Variants in MARCHF3 observed in about 807,000 individuals in gnomAD.
The protein encoded by MARCHF3 is E3 ubiquitin-protein ligase MARCHF3.
A neutral mutation model predicts 24.2 loss-of-function variants in MARCHF3; 13 were observed. The observed-to-expected ratio is 0.54, with a 90% CI of 0.35 to 0.85. The LOEUF (loss-of-function observed/expected upper bound fraction) is 0.85. MARCHF3 is among the 40% of genes least tolerant of loss of function. The pLI is 0.01. For missense variants in MARCHF3, 276 were observed against 325.0 expected (o/e 0.85, Z 1.16); for synonymous variants, 144 against 137.3 (o/e 1.05, Z -0.34).
chr5:126,894,650 G>C (rs1220220311), intron 3 of MARCHF3, among the ~76,000 whole-genome samples: 6 of 152,010 alleles, frequency 3.9e-5, no homozygotes, highest in African/African-American at 7.3e-5. Context: ...TTTCTGCCGA[G>C]AGATCCGCTG....
chr5:126,905,965 C>A (rs540389541), intron 3 of MARCHF3, among the ~76,000 whole-genome samples: 3 of 151,912 alleles, frequency 2.0e-5, no homozygotes, highest in African/African-American at 4.8e-5. Flanking sequence ...TCATAGATAG[C>A]GCTTATTATT....
At chr5:126,998,198 G>A (rs1287496587) in intron 1 of MARCHF3, among the ~76,000 whole-genome samples, 2 of 152,206 alleles carry the variant, frequency 1.3e-5, no homozygotes, top group African/African-American at 4.8e-5. Flanking sequence ...AGAGGATTAT[G>A]AAAATACAAA....
chr5:126,998,194 T>C (rs1221740348), intron 1 of MARCHF3, among the ~76,000 whole-genome samples: 1 of 152,130 alleles, frequency 6.6e-6, no homozygotes, highest in African/African-American at 2.4e-5. Flanking sequence ...GAAGAGAGGA[T>C]TATGAAAATA....
intron 3 of MARCHF3, among the ~76,000 whole-genome samples, chr5:126,906,083 T>G (rs200305475): frequency 0.025 from 3,750 of 150,104 alleles, 243 homozygotes; most frequent in Admixed American, 0.16. Context: ...TCATGTGGTT[T>G]TTGTCTTTGG....
At chr5:127,015,263 G>A (rs1366639561) in intron 1 of MARCHF3, among the ~76,000 whole-genome samples, 1 of 152,154 alleles carries the variant, frequency 6.6e-6, no homozygotes, top group Non-Finnish European at 1.5e-5. Flanking sequence ...TTTCTGTAGA[G>A]GGAACACCAG....
In MARCHF3 at chr5:126,949,182, T is replaced by C. The variant is rs750671514; in HGVS notation, c.-56-30955A>G. Among the ~76,000 whole-genome samples the C allele has an allele frequency of 2.0e-5, 3 of 152,180 alleles. 1 individual carries two copies. The highest frequency in any genetic ancestry group is 1.3e-4 in the Admixed American group (2 of 15,282). On this transcript the variant is annotated intron_variant, in intron 1 of 4. Transcript: ENST00000308660. ...CTAAATGCCAACTCCTACATGAACA[T>C]ATGCTAAAGAAAACAAGGTACTAGC...
intron 1 of MARCHF3, among the ~76,000 whole-genome samples, chr5:126,940,547 A>G (rs7449089): frequency 0.39 from 59,587 of 151,720 alleles, 12,755 homozygotes; most frequent in Middle Eastern, 0.52. Context: ...TCACAGATTC[A>G]AGCAATTCTC....
chr5:126,903,633 G>C (rs960595284), intron 3 of MARCHF3, among the ~76,000 whole-genome samples: 1 of 150,494 alleles, frequency 6.6e-6, no homozygotes, highest in Admixed American at 6.6e-5. Context: ...AGTCTCGTGT[G>C]TGTATATATA....
rs532301083 is a variant in MARCHF3, at chr5:126,946,469, A to G, written c.-56-28242T>C. 4.6e-5 allele frequency: 7 copies of G among 152,184 alleles called. No individual in the cohort carries two copies. The South Asian group carries it at 6.2e-4, about 14-fold the overall frequency. The allele number at this position is 152,184 out of a possible 1,614,324, so 9.4% of individuals were successfully genotyped here. On this transcript the variant is annotated intron_variant, in intron 1 of 4. Coordinates refer to ENST00000308660, the MANE Select transcript of MARCHF3 (RefSeq NM_178450.5). ...TAAGTTTTGTGTTTGTATGAACACA[A>G]CGGGGTTTTATGAAGTCACCATGTA...
In MARCHF3 at chr5:126,920,349, C is replaced by T. The variant is rs1310072316; in HGVS notation, c.-56-2122G>A. Among the ~76,000 whole-genome samples, 4 of 152,258 alleles carry T rather than the reference C, an allele frequency of 2.6e-5. No homozygotes were observed. The East Asian group carries it at 7.7e-4, about 29-fold the overall frequency. On this transcript the variant is annotated intron_variant, in intron 1 of 4. Coordinates refer to ENST00000308660, the MANE Select transcript of MARCHF3 (RefSeq NM_178450.5). ...GCATAACTACTCTCCTCTGGCCTGC[C>T]CTTACAAAACTCCATTGACATGATT...
rs367939428 is a variant in MARCHF3 at position 126,914,913 on chromosome 5, G to T, written c.393+17C>A. On this transcript the variant is annotated intron_variant, in intron 3 of 4. Coordinates refer to ENST00000308660, the MANE Select transcript of MARCHF3 (RefSeq NM_178450.5). Reference sequence around the variant, plus strand: ...CTCATTAGAGCTAAGTTTTCAGGACGTGCCCCACTTACTGACCTCCACTAA... The same window carrying T: ...CTCATTAGAGCTAAGTTTTCAGGACTTGCCCCACTTACTGACCTCCACTAA... The T allele has an allele frequency of 6.2e-7, 1 of 1,613,504 alleles. No individual in the cohort carries two copies. Among genetic ancestry groups the T allele is most frequent in the South Asian group, 1.1e-5 (1 of 91,056 alleles).
chr5:127,028,563 T>A (rs1221245635), intron 1 of MARCHF3, among the ~76,000 whole-genome samples: 1 of 113,530 alleles, frequency 8.8e-6, no homozygotes, highest in Admixed American at 8.2e-5. Context: ...TTAAGGTAGG[T>A]TTTTTTTTTT....
In MARCHF3 at chr5:126,868,725, C is replaced by A. The variant is rs1378999741; in HGVS notation, c.*1908G>T. On this transcript the variant is annotated 3_prime_UTR_variant, in exon 5 of 5. Coordinates refer to ENST00000308660, the MANE Select transcript of MARCHF3 (RefSeq NM_178450.5). ...CGTGTCACGGGTTCACCTGACAGCT[C>A]AGGGACTAAGGCTGGGTGGACGTCA... The A allele has an allele frequency of 6.6e-6, 1 of 152,190 alleles. No homozygotes were observed. The highest frequency in any genetic ancestry group is 1.5e-5 in the Non-Finnish European group (1 of 68,062). The allele number at this position is 152,190 out of a possible 1,614,324, so 9.4% of individuals were successfully genotyped here. A position where few individuals can be genotyped will look rare whatever the true frequency, so the allele number is the denominator to read the frequency against.
At chr5:126,992,432 G>C (rs1418528489) in intron 1 of MARCHF3, among the ~76,000 whole-genome samples, 1 of 152,146 alleles carries the variant, frequency 6.6e-6, no homozygotes. Context: ...ACATTACCCT[G>C]AAGCAAAATC....
At chr5:126,910,209 A>G (rs780269220) in intron 3 of MARCHF3, among the ~76,000 whole-genome samples, 1 of 152,204 alleles carries the variant, frequency 6.6e-6, no homozygotes, top group Non-Finnish European at 1.5e-5. Context: ...GAGCTGACCT[A>G]TAACTTCACG....
At chr5:126,962,153 A>C (rs1000930386) in intron 1 of MARCHF3, among the ~76,000 whole-genome samples, 13 of 152,156 alleles carry the variant, frequency 8.5e-5, no homozygotes, top group Admixed American at 4.6e-4. Context: ...ACAATGTGAG[A>C]ACCTAGGAAA....
rs1466391388 is a variant in MARCHF3, at chr5:126,878,521, T to C, written c.394-127A>G. ...GGGAAAAGGCATTTCTGACTTGTTA[T>C]GAGATAACAAGGAAGTGTTCAGGGC... On this transcript the variant is annotated intron_variant, in intron 3 of 4. Coordinates refer to ENST00000308660, the MANE Select transcript of MARCHF3 (RefSeq NM_178450.5). The C allele has an allele frequency of 4.8e-6, 4 of 837,240 alleles. No individual in the cohort carries two copies. In the East Asian group the frequency reaches 1.1e-4, roughly 22 times the overall value. The allele number at this position is 837,240 out of a possible 1,614,324, so 51.9% of individuals were successfully genotyped here.
intron 1 of MARCHF3, among the ~76,000 whole-genome samples, chr5:126,991,045 C>A (rs866813506): frequency 6.6e-6 from 1 of 152,100 alleles, no homozygotes; most frequent in African/African-American, 2.4e-5. Flanking sequence ...ATCCCATTAC[C>A]GGGTATATAC....
intron 3 of MARCHF3, among the ~76,000 whole-genome samples, chr5:126,885,146 G>A (rs759544339): frequency 4.6e-5 from 7 of 152,160 alleles, no homozygotes; most frequent in Non-Finnish European, 8.8e-5. Flanking sequence ...TCTCTGAAAC[G>A]ATGCTATTTC....
Sources: allele counts gnomAD v4.1 joint callset (sites outside exome capture counted in the v4.1 genomes callset), GRCh38; gene constraint gnomAD v4.1.1; transcripts MANE v1.5; gene names NCBI Gene and HGNC (gene_info 2026-07-23, HGNC 2026-07-21).